Variants in RALYL observed in about 807,000 individuals in gnomAD.
RALYL encodes the protein RNA-binding Raly-like protein.
RALYL carries 29 observed loss-of-function variants against 35.1 expected under a neutral mutation model. The ratio of observed to expected loss-of-function variants is 0.83; its 90% confidence interval spans 0.61 to 1.13. The LOEUF is 1.13. Ranked by LOEUF, RALYL falls within the 50% of genes most tolerant of loss-of-function variation. The pLI is 0.00. For synonymous variants in RALYL, 120 were observed against 127.6 expected (o/e 0.94, Z 0.40); for missense variants, 359 against 360.4 (o/e 1.00, Z 0.03).
At chr8:84,549,674 T>C (rs2060588630) in intron 2 of RALYL, among the ~76,000 whole-genome samples, 1 of 152,208 alleles carries the variant, frequency 6.6e-6, no homozygotes, top group Admixed American at 6.5e-5. Flanking sequence ...CATGAGAGTA[T>C]GGCAGGCCGG....
At chr8:84,611,557 A>G (rs565071881) in intron 2 of RALYL, among the ~76,000 whole-genome samples, 5 of 152,234 alleles carry the variant, frequency 3.3e-5, no homozygotes, top group African/African-American at 1.2e-4. Flanking sequence ...CACACACACA[A>G]AAGTTGACAT....
At chr8:84,515,127 G>A (rs2057955882) in intron 1 of RALYL, among the ~76,000 whole-genome samples, 1 of 152,126 alleles carries the variant, frequency 6.6e-6, no homozygotes, top group Non-Finnish European at 1.5e-5. Context: ...AGTCATTACT[G>A]TTTATGTTTA....
chr8:84,356,050 T>C (rs558239067), intron 1 of RALYL, among the ~76,000 whole-genome samples: 1 of 150,140 alleles, frequency 6.7e-6, no homozygotes, highest in South Asian at 2.1e-4. Context: ...CCCCCTTCAC[T>C]CTGTCTCTCT....
chr8:84,578,265 G>A (rs1809963761), intron 2 of RALYL, among the ~76,000 whole-genome samples: 1 of 152,242 alleles, frequency 6.6e-6, no homozygotes, highest in Non-Finnish European at 1.5e-5. Context: ...GGCTTCTGCT[G>A]TGGGTGTCTA....
At chr8:84,756,631 C>G (rs1811477566) in intron 2 of RALYL, among the ~76,000 whole-genome samples, 12 of 152,082 alleles carry the variant, frequency 7.9e-5, no homozygotes, top group Admixed American at 7.9e-4. Flanking sequence ...ACCTGCTGAT[C>G]CTGGAGCCCC....
At chr8:84,819,342 G>A (rs2134210724) in intron 4 of RALYL, among the ~76,000 whole-genome samples, 1 of 152,296 alleles carries the variant, frequency 6.6e-6, no homozygotes, top group Non-Finnish European at 1.5e-5. Context: ...GCCAGTCAGT[G>A]AAATGCTGTA....
intron 2 of RALYL, among the ~76,000 whole-genome samples, chr8:84,640,267 TA>T (rs902985055): frequency 9.9e-5 from 15 of 152,000 alleles, no homozygotes; most frequent in Non-Finnish European, 2.1e-4. Flanking sequence ...ATCAGTTTTT[TA>T]AGGAATTAAA....
intron 2 of RALYL, among the ~76,000 whole-genome samples, chr8:84,708,993 T>C (rs1841692970): frequency 6.6e-6 from 1 of 152,218 alleles, no homozygotes. Context: ...GAACAGATCA[T>C]GTATTTTTTA....
At chr8:84,904,316 G>A (rs1465335680) in intron 8 of RALYL, among the ~76,000 whole-genome samples, 2 of 152,138 alleles carry the variant, frequency 1.3e-5, no homozygotes, top group African/African-American at 2.4e-5. Context: ...GTAGAAATAT[G>A]AGCACAAGGT....
chr8:84,271,166 A>T (rs749123739), intron 1 of RALYL, among the ~76,000 whole-genome samples: 41 of 144,400 alleles, frequency 2.8e-4, no homozygotes, highest in Admixed American at 1.9e-3. Context: ...ACAGACATTT[A>T]AAAAAAAAAC....
chr8:84,409,747 T>C (rs1181733482), intron 1 of RALYL, among the ~76,000 whole-genome samples: 1 of 152,032 alleles, frequency 6.6e-6, no homozygotes, highest in Non-Finnish European at 1.5e-5. Flanking sequence ...CTAAAGACCA[T>C]AATTAAATCT....
rs199726647 is a variant in RALYL at position 84,694,372 on chromosome 8, TA to T, written c.257-80201del. 4.0e-5 allele frequency among the ~76,000 whole-genome samples: 6 copies of T among 151,780 alleles called. No individual in the cohort carries two copies. The East Asian group carries it at 9.6e-4, about 24-fold the overall frequency. ...AAACAATCTCGTTTACATAGCATCA[TA>T]AAAAATATATTCATGAGTAAATTTA... On this transcript the variant is annotated intron_variant, in intron 2 of 8. Coordinates refer to ENST00000521268, the MANE Select transcript of RALYL (RefSeq NM_173848.7).
intron 2 of RALYL, among the ~76,000 whole-genome samples, chr8:84,650,593 G>T (rs914894420): frequency 6.6e-6 from 1 of 152,044 alleles, no homozygotes; most frequent in Non-Finnish European, 1.5e-5. Context: ...AGAGGATGTG[G>T]AGAAATAGGA....
At chr8:84,756,640 C>T (rs140727155) in intron 2 of RALYL, among the ~76,000 whole-genome samples, 1 of 152,068 alleles carries the variant, frequency 6.6e-6, no homozygotes, top group Non-Finnish European at 1.5e-5. Context: ...TCCTGGAGCC[C>T]CACTCTGAGG....
At chr8:84,378,712 G>A (rs1041743242) in intron 1 of RALYL, among the ~76,000 whole-genome samples, 2 of 151,690 alleles carry the variant, frequency 1.3e-5, no homozygotes, top group Non-Finnish European at 2.9e-5. Flanking sequence ...ATGCCTTTTT[G>A]AGATGATAAC....
intron 1 of RALYL, among the ~76,000 whole-genome samples, chr8:84,356,141 G>A (rs1851794146): frequency 6.7e-6 from 1 of 150,100 alleles, no homozygotes; most frequent in Non-Finnish European, 1.5e-5. Flanking sequence ...TCCCAGTCAT[G>A]CTTCCTGTTA....
At chr8:84,829,307 G>T (rs1225370649) in intron 4 of RALYL, 1 of 152,304 alleles carries the variant, frequency 6.6e-6, no homozygotes, top group East Asian at 1.9e-4. Flanking sequence ...AACTCAAGAT[G>T]AGATTTAGGT....
chr8:84,747,275 GC>G (rs1808823983), intron 2 of RALYL, among the ~76,000 whole-genome samples: 1 of 151,682 alleles, frequency 6.6e-6, no homozygotes, highest in African/African-American at 2.4e-5. Flanking sequence ...AAAAAATGGT[GC>G]TAATAAGTGT....
chr8:84,200,122 T>C (rs1211848498), intron 1 of RALYL, among the ~76,000 whole-genome samples: 2 of 152,206 alleles, frequency 1.3e-5, no homozygotes, highest in Admixed American at 1.3e-4. Context: ...TTTCTGCTTT[T>C]ACTCGTTTGA....
Sources: allele counts gnomAD v4.1 joint callset (sites outside exome capture counted in the v4.1 genomes callset), GRCh38; gene constraint gnomAD v4.1.1; transcripts MANE v1.5; gene names NCBI Gene and HGNC (gene_info 2026-07-23, HGNC 2026-07-21).